Variants in TCF4 observed in about 807,000 individuals in gnomAD.
TCF4 encodes the protein SL3-3 enhancer factor 2.
TCF4 carries 3 observed loss-of-function variants against 82.1 expected under a neutral mutation model. The observed-to-expected ratio is 0.04, with a 90% confidence interval of 0.02 to 0.09. The LOEUF (loss-of-function observed/expected upper bound fraction) is 0.09. Ranked by LOEUF, TCF4 falls within the 10% of genes least tolerant of loss-of-function variation. The pLI, the probability that TCF4 is intolerant of heterozygous loss-of-function variation, is 1.00. For synonymous variants in TCF4, 276 were observed against 309.6 expected, an observed-to-expected ratio of 0.89 and a Z score of 1.14; for missense variants, 518 against 852.7, an observed-to-expected ratio of 0.61 and a Z score of 4.89.
chr18:55,261,183 G>T, intron 12 of TCF4: 1 of 372,464 alleles, frequency 2.7e-6, no homozygotes, highest in Non-Finnish European at 4.9e-6. Context: ...AGAAAAATAA[G>T]ACATCAGTAT....
chr18:55,605,571 A>G (rs1484098819), intron 2 of TCF4, among the ~76,000 whole-genome samples: 1 of 152,344 alleles, frequency 6.6e-6, no homozygotes, highest in Non-Finnish European at 1.5e-5. Flanking sequence ...TTGAACATCT[A>G]TCTACATTGG....
intron 2 of TCF4, among the ~76,000 whole-genome samples, chr18:55,597,125 G>T (rs1799404357): frequency 6.6e-6 from 1 of 152,062 alleles, no homozygotes; most frequent in Non-Finnish European, 1.5e-5. Flanking sequence ...GGTTTCCTGA[G>T]GCCTCCCCAG....
At position 55,365,156 on chromosome 18, in the gene TCF4, AATATATATATATATATATATAT is replaced by A. The variant is rs139574594; in HGVS notation, c.370-14175_370-14154del. On this transcript the variant is annotated intron_variant, in intron 6 of 19. Coordinates refer to ENST00000354452, the MANE Select transcript of TCF4 (RefSeq NM_001083962.2). ...CAACAGTGTGAGACTCCATCTCCAA[AATATATATATATATATATATAT>A]ATATATATATATATGTGTGTGTGTG... 9.6e-5 allele frequency among the ~76,000 whole-genome samples: 8 copies of A among 83,538 alleles called. 1 individual carries two copies. The highest frequency in any genetic ancestry group is 4.7e-4 in the South Asian group (1 of 2,140). The allele number at this position is 83,538 out of a possible 152,430, so 54.8% of individuals were successfully genotyped here.
In TCF4 at chr18:55,632,552, A is replaced by G. The variant is rs73960148; in HGVS notation, c.196-1164T>C. On this transcript the variant is annotated intron_variant, in intron 1 of 20. Transcript: ENST00000398339. Reference sequence around the variant, plus strand: ...AAAAGCAAACCCAGGTTTAGGCTCAAGGTTATTCAGAAAACATCAAAGGCT... The same window carrying G: ...AAAAGCAAACCCAGGTTTAGGCTCAGGGTTATTCAGAAAACATCAAAGGCT... Among the ~76,000 whole-genome samples the G allele has an allele frequency of 2.7e-3, 414 of 152,362 alleles. 1 individual carries two copies. Among genetic ancestry groups the G allele is most frequent in the African/African-American group, 9.7e-3 (402 of 41,588 alleles).
Position 55,299,949 on chromosome 18 carries a change from A to T in TCF4, c.550-20293T>A, listed in dbSNP as rs557625710. Among the ~76,000 whole-genome samples the T allele has an allele frequency of 2.0e-5, 3 of 152,254 alleles. No individual in the cohort carries two copies. In the South Asian group the frequency reaches 6.2e-4, roughly 32 times the overall value. On this transcript the variant is annotated intron_variant, in intron 8 of 19. Transcript: ENST00000354452. ...ATGCTCATAGAGACACACATGCCTC[A>T]CTTGCTTTTCCATCATCTTATGGCC...
intron 3 of TCF4, among the ~76,000 whole-genome samples, chr18:55,562,162 C>A (rs1357430637): frequency 6.6e-6 from 1 of 152,278 alleles, no homozygotes; most frequent in East Asian, 1.9e-4. Flanking sequence ...TTAGTATTTG[C>A]AACAGAGAGT....
At chr18:55,422,442 A>G (rs2094807039) in intron 5 of TCF4, 1 of 984,338 alleles carries the variant, frequency 1.0e-6, no homozygotes, top group Non-Finnish European at 1.2e-6. Flanking sequence ...TTAAAAAAAA[A>G]GTTTGCCAGA....
At chr18:55,339,044 A>G (rs1393065300) in intron 8 of TCF4, among the ~76,000 whole-genome samples, 1 of 152,208 alleles carries the variant, frequency 6.6e-6, no homozygotes, top group African/African-American at 2.4e-5. Flanking sequence ...GCACATGTTT[A>G]AAGCAATCTG....
At chr18:55,304,284 C>G (rs552106041) in intron 8 of TCF4, among the ~76,000 whole-genome samples, 2 of 151,906 alleles carry the variant, frequency 1.3e-5, no homozygotes. Flanking sequence ...GACTGAACAC[C>G]AGAAAACATA....
chr18:55,507,427 C>A (rs185387912), intron 3 of TCF4, among the ~76,000 whole-genome samples: 2 of 152,146 alleles, frequency 1.3e-5, no homozygotes, highest in East Asian at 3.9e-4. Context: ...AAGGACAGTG[C>A]AGATTTCATC....
intron 12 of TCF4, 101 bp downstream of exon 12, chr18:55,261,365 G>A: frequency 7.0e-7 from 1 of 1,424,640 alleles, no homozygotes; most frequent in East Asian, 2.3e-5. Flanking sequence ...AAAAATCAAA[G>A]CTATTTGCCA....
chr18:55,411,078 G>C (rs749156785), intron 5 of TCF4, among the ~76,000 whole-genome samples: 7 of 152,080 alleles, frequency 4.6e-5, no homozygotes, highest in African/African-American at 7.2e-5. Context: ...TAATTCCACA[G>C]AGTGTGCAAT....
intron 8 of TCF4, among the ~76,000 whole-genome samples, chr18:55,347,188 G>A (rs1187729611): frequency 1.3e-5 from 2 of 152,026 alleles, no homozygotes; most frequent in African/African-American, 4.8e-5. Flanking sequence ...TTATTACTAA[G>A]GTCTTCGCAA....
chr18:55,588,825 A>G (rs557089623), upstream of TCF4, among the ~76,000 whole-genome samples: 2 of 151,944 alleles, frequency 1.3e-5, no homozygotes, highest in Admixed American at 6.6e-5. Flanking sequence ...ACAGAATAGT[A>G]TAACTGCAAA....
At chr18:55,581,689 T>G (rs547289951) in intron 3 of TCF4, among the ~76,000 whole-genome samples, 1 of 152,124 alleles carries the variant, frequency 6.6e-6, no homozygotes, top group East Asian at 1.9e-4. Flanking sequence ...ACCGGACTGA[T>G]TTTTTTCCGC....
intron 2 of TCF4, among the ~76,000 whole-genome samples, chr18:55,605,262 A>T (rs1173840074): frequency 1.3e-5 from 2 of 152,222 alleles, no homozygotes; most frequent in Non-Finnish European, 2.9e-5. Flanking sequence ...TTAGGGAAAT[A>T]ACAGCGTATG....
chr18:55,585,188 T>C, intron 3 of TCF4, 92 bp downstream of exon 3: 1 of 1,194,860 alleles, frequency 8.4e-7, no homozygotes, highest in Non-Finnish European at 1.3e-6. Flanking sequence ...CAATGACTTT[T>C]TCAGAACTCT....
chr18:55,570,640 GGGAAGCCAA>G (rs2097454997), intron 3 of TCF4, among the ~76,000 whole-genome samples: 1 of 152,056 alleles, frequency 6.6e-6, no homozygotes, highest in Admixed American at 6.6e-5. Context: ...TCAGCACTTT[GGGAAGCCAA>G]GGAAGGCAAA....
chr18:55,399,734 T>C (rs2093687814), intron 6 of TCF4, among the ~76,000 whole-genome samples: 1 of 152,066 alleles, frequency 6.6e-6, no homozygotes, highest in Non-Finnish European at 1.5e-5. Flanking sequence ...TGATAAAACC[T>C]AGCTGCACAT....
Sources: gnomAD v4.1 joint callset for allele counts (sites outside exome capture counted in the v4.1 genomes callset) on GRCh38, gnomAD v4.1.1 for gene constraint, MANE v1.5 for transcripts, NCBI Gene and HGNC (gene_info 2026-07-23, HGNC 2026-07-21) for gene names.